The following KDM4B variants were observed in gnomAD, a reference collection of about 807,000 sequenced individuals.
KDM4B encodes lysine demethylase 4B.
A neutral mutation model predicts 125.2 loss-of-function variants in KDM4B; 32 were observed. The ratio of observed to expected loss-of-function variants is 0.26; its 90% CI spans 0.19 to 0.34. The LOEUF (loss-of-function observed/expected upper bound fraction) is 0.34. Ranked by LOEUF, KDM4B falls within the 10% of genes least tolerant of loss-of-function variation. The pLI is 1.00. For missense variants in KDM4B, 1,190 were observed against 1,577.7 expected (o/e 0.75, Z 4.16); for synonymous variants, 721 against 677.9 (o/e 1.06, Z -0.99).
intron 6 of KDM4B, among the ~76,000 whole-genome samples, chr19:5,066,544 G>A (rs964652925): frequency 1.3e-5 from 2 of 152,212 alleles, no homozygotes; most frequent in Non-Finnish European, 2.9e-5. Context: ...GAGGGGCCAC[G>A]TCCTAGCATT....
chr19:5,092,012 T>C lies in KDM4B; in HGVS notation c.918+9508T>C, dbSNP rs367605096. 5.3e-5 allele frequency among the ~76,000 whole-genome samples: 8 copies of C among 152,310 alleles called. No homozygotes were observed. The East Asian group carries it at 1.4e-3, about 26-fold the overall frequency. On this transcript the variant is annotated intron_variant, in intron 9 of 22. Transcript: ENST00000159111. ...TTGGGGCCCCTTCCCATGTGTGGGCTTAGGGGGTGTCACAGTCACGCAGAA... is the reference window on the plus strand; with the variant it reads ...TTGGGGCCCCTTCCCATGTGTGGGCCTAGGGGGTGTCACAGTCACGCAGAA...
intron 9 of KDM4B, among the ~76,000 whole-genome samples, chr19:5,091,825 CACGGCTGGCCT>C (rs1429707851): frequency 5.3e-5 from 8 of 152,166 alleles, no homozygotes; most frequent in Non-Finnish European, 8.8e-5. Flanking sequence ...CGCTGGAGCC[CACGGCTGGCCT>C]GTGCCCTGCC....
intron 1 of KDM4B, among the ~76,000 whole-genome samples, chr19:5,015,575 C>T (rs920438110): frequency 6.6e-6 from 1 of 152,198 alleles, no homozygotes; most frequent in South Asian, 2.1e-4. Flanking sequence ...TATTGGCCGG[C>T]GTGGTGGCTT....
chr19:5,111,035 G>C (rs974082130), intron 10 of KDM4B, among the ~76,000 whole-genome samples: 10 of 152,292 alleles, frequency 6.6e-5, no homozygotes, highest in Non-Finnish European at 1.5e-4. Flanking sequence ...CGCTTTGCTG[G>C]GGTGGGTGGG....
At chr19:5,062,393 G>A (rs992976561) in intron 6 of KDM4B, among the ~76,000 whole-genome samples, 2 of 152,222 alleles carry the variant, frequency 1.3e-5, no homozygotes, top group African/African-American at 4.8e-5. Context: ...TGGCGACTAC[G>A]TGATGAGCTC....
At chr19:5,125,053 CA>C (rs1211568473) in intron 11 of KDM4B, among the ~76,000 whole-genome samples, 2 of 152,020 alleles carry the variant, frequency 1.3e-5, no homozygotes, top group African/African-American at 4.8e-5. Context: ...ACGTGCACCG[CA>C]ACTCCGCTCA....
At chr19:5,072,874 G>A (rs974390710) in intron 7 of KDM4B, among the ~76,000 whole-genome samples, 10 of 152,104 alleles carry the variant, frequency 6.6e-5, no homozygotes, top group African/African-American at 1.9e-4. Context: ...GAGGCCGCCC[G>A]CATTCCTTGG....
Position 5,035,606 on chromosome 19 carries a change from G to A in KDM4B, c.141+2575G>A, listed in dbSNP as rs532088148. On this transcript the variant is annotated intron_variant, in intron 3 of 22. Transcript: ENST00000159111. The surrounding 1 kb of genome is among the most constrained non-coding windows in gnomAD (Gnocchi z 5.3). ...TGCCGCCTCTTTGAGCCCTCATGTC[G>A]CTGCTTCAGGTTTCTGCACTCCCCC... is the stretch of plus-strand genomic sequence containing the variant. 5.3e-5 allele frequency among the ~76,000 whole-genome samples: 8 copies of A among 151,916 alleles called. No individual in the cohort carries two copies. The highest frequency in any genetic ancestry group is 1.0e-4 in the Non-Finnish European group (7 of 67,946).
chr19:5,040,136 G>T, intron 4 of KDM4B, 125 bp downstream of exon 4: 2 of 1,096,130 alleles, frequency 1.8e-6, no homozygotes, highest in Non-Finnish European at 2.5e-6. Flanking sequence ...TGCTCTGTGT[G>T]CCCCGTGTGG....
intron 6 of KDM4B, 65 bp downstream of exon 6, chr19:5,047,734 G>A (rs2037072512): frequency 6.5e-6 from 10 of 1,530,196 alleles, no homozygotes; most frequent in Admixed American, 5.2e-5. Flanking sequence ...AGTCAATCCC[G>A]GGTACACGGC....
At chr19:5,045,353 T>C (rs1406521877) in intron 5 of KDM4B, among the ~76,000 whole-genome samples, 1 of 152,074 alleles carries the variant, frequency 6.6e-6, no homozygotes, top group African/African-American at 2.4e-5. Context: ...GTTTCCTTGG[T>C]GAGCTCTCTT....
chr19:5,101,459 G>T (rs2038931863), intron 9 of KDM4B, among the ~76,000 whole-genome samples: 1 of 151,570 alleles, frequency 6.6e-6, no homozygotes, highest in Non-Finnish European at 1.5e-5. Context: ...GGACTTCGGG[G>T]TCGGCAGTGA....
intron 6 of KDM4B, among the ~76,000 whole-genome samples, chr19:5,051,389 C>A (rs920509189): frequency 5.9e-5 from 9 of 152,228 alleles, no homozygotes; most frequent in African/African-American, 2.2e-4. Context: ...CCTTTTGCCC[C>A]CAACCCATCA....
rs559078115 is a variant in KDM4B, at chr19:4,991,907, T to C, written c.-109+22677T>C. Among the ~76,000 whole-genome samples the C allele has an allele frequency of 8.4e-4, 128 of 152,344 alleles. 2 individuals are homozygous for C. The South Asian group carries it at 0.026, about 31-fold the overall frequency. ...CGCTTGCAATCTGTCGAAGTTGTTGTGTGTATCAGTAGTTACTTTCTTTTA... is the reference window on the plus strand; with the variant it reads ...CGCTTGCAATCTGTCGAAGTTGTTGCGTGTATCAGTAGTTACTTTCTTTTA... On this transcript the variant is annotated intron_variant, in intron 1 of 22. Coordinates refer to ENST00000159111, the MANE Select transcript of KDM4B (RefSeq NM_015015.3).
chr19:5,100,128 A>G (rs2038902507), intron 9 of KDM4B, among the ~76,000 whole-genome samples: 1 of 152,140 alleles, frequency 6.6e-6, no homozygotes, highest in African/African-American at 2.4e-5. Flanking sequence ...CTGGAGGCTT[A>G]TTGAACCCTT....
intron 9 of KDM4B, among the ~76,000 whole-genome samples, chr19:5,086,260 C>A (rs190796462): frequency 6.6e-6 from 1 of 151,800 alleles, no homozygotes; most frequent in Admixed American, 6.6e-5. Context: ...GAAAAGCCAC[C>A]CTCCTGCCCT....
At chr19:4,982,649 G>A (rs2034685503) in intron 1 of KDM4B, among the ~76,000 whole-genome samples, 1 of 151,316 alleles carries the variant, frequency 6.6e-6, no homozygotes, top group African/African-American at 2.4e-5. Flanking sequence ...GTCTCACTGT[G>A]TCAACCAGGC....
chr19:5,087,913 C>T (rs1049031288), intron 9 of KDM4B, among the ~76,000 whole-genome samples: 1 of 152,096 alleles, frequency 6.6e-6, no homozygotes, highest in East Asian at 1.9e-4. Context: ...CTGGGCTGTT[C>T]GGAGGGTTTG....
intron 1 of KDM4B, among the ~76,000 whole-genome samples, chr19:4,989,376 C>T (rs62114280): frequency 3.3e-5 from 5 of 151,994 alleles, no homozygotes; most frequent in Admixed American, 6.5e-5. Flanking sequence ...CTTGCTCTGT[C>T]GCCCAGGCTG....
Sources: allele counts gnomAD v4.1 joint callset (sites outside exome capture counted in the v4.1 genomes callset), GRCh38; gene constraint gnomAD v4.1.1; non-coding constraint Gnocchi (gnomAD v3.1); transcripts MANE v1.5; gene names NCBI Gene and HGNC (gene_info 2026-07-23, HGNC 2026-07-21).